Variants in DNAH17 observed in about 807,000 individuals in gnomAD.
DNAH17 encodes the protein dynein axonemal heavy chain 17, also known as axonemal beta dynein heavy chain 17.
In DNAH17, 376 loss-of-function variants were observed where a neutral mutation model predicts 485.6. The observed-to-expected ratio is 0.77, with a 90% CI of 0.71 to 0.84. The LOEUF is 0.84. Among genes scored for constraint, DNAH17 ranks in the 40% least tolerant of loss-of-function variants. The pLI, the probability that DNAH17 is intolerant of heterozygous loss-of-function variation, is 0.00. For synonymous variants in DNAH17, 3,031 were observed against 2,405.9 expected (o/e 1.26, Z -7.60); for missense variants, 6,370 against 5,839.3 (o/e 1.09, Z -2.96).
At chr17:78,497,063 C>T (rs1005714752) in intron 37 of DNAH17, 1 of 152,264 alleles carries the variant, frequency 6.6e-6, no homozygotes, top group Non-Finnish European at 1.5e-5. Context: ...CTTGTCCCTG[C>T]TGAGTTGGGT....
At chr17:78,569,732 T>C (rs2092322800) in intron 7 of DNAH17, among the ~76,000 whole-genome samples, 1 of 152,138 alleles carries the variant, frequency 6.6e-6, no homozygotes. Context: ...GGCTGCAGCA[T>C]AAATGGGTGG....
rs113706196 is a variant in DNAH17, at chr17:78,562,829, A to G, written c.1570-849T>C. On this transcript the variant is annotated intron_variant, in intron 11 of 80. Transcript: ENST00000389840. ...TCAGGAAATGTGTTTCGCTCTGAGA[A>G]AGCTCTGGGGGTCAGACCAAGTGGG... 1.6e-4 allele frequency among the ~76,000 whole-genome samples: 24 copies of G among 152,346 alleles called. 1 individual carries two copies. Among genetic ancestry groups the G allele is most frequent in the African/African-American group, 5.5e-4 (23 of 41,586 alleles).
intron 13 of DNAH17, among the ~76,000 whole-genome samples, chr17:78,558,662 A>T (rs1446402275): frequency 6.6e-6 from 1 of 152,232 alleles, no homozygotes; most frequent in African/African-American, 2.4e-5. Flanking sequence ...GGCTGACATC[A>T]TCCTAATTTT....
At chr17:78,491,909 C>T (rs1162784809) in intron 42 of DNAH17, among the ~76,000 whole-genome samples, 1 of 152,232 alleles carries the variant, frequency 6.6e-6, no homozygotes, top group African/African-American at 2.4e-5. Flanking sequence ...CATCTGTCCA[C>T]TCACACGCTC....
intron 66 of DNAH17, among the ~76,000 whole-genome samples, chr17:78,451,169 G>T (rs1055641498): frequency 6.6e-6 from 1 of 152,246 alleles, no homozygotes; most frequent in Non-Finnish European, 1.5e-5. Flanking sequence ...GGCCATTCTT[G>T]CAGGGCAGCG....
chr17:78,433,981 G>GAGGGAAGGAGGGAGGGAAGGAGGA, intron 75 of DNAH17, 48 bp downstream of exon 75: 1 of 1,479,086 alleles, frequency 6.8e-7, no homozygotes, highest in Non-Finnish European at 9.2e-7. Flanking sequence ...GGGAAGGAGG[G>GAGGGAAGGAGGGAGGGAAGGAGGA]AAAGAGGGAG....
chr17:78,529,728 G>A, intron 21 of DNAH17, 34 bp from the exon 22 acceptor site: 1 of 1,601,512 alleles, frequency 6.2e-7, no homozygotes, highest in East Asian at 2.2e-5. Context: ...TGTGGCCCCA[G>A]CCCCCCTTAG....
chr17:78,560,774 GCGGCGTCCCGCAGA>G lies in DNAH17; in HGVS notation c.1983_1996del (p.Leu662Ter). 6.4e-7 allele frequency: 1 copy of G among 1,552,246 alleles called. No individual in the cohort carries two copies. Among genetic ancestry groups the G allele is most frequent in the Non-Finnish European group, 8.7e-7 (1 of 1,147,332 alleles). On this transcript the variant is annotated frameshift_variant, in exon 13 of 81. Transcript: ENST00000389840. LOFTEE classifies it high-confidence loss of function. Reference sequence around the variant, plus strand: ...GAAGTTGACGTGGATGAGGTTGCTAGCGGCGTCCCGCAGAATCAGCGGCTGCCCCAGGTTAAAGT... The same window carrying G: ...GAAGTTGACGTGGATGAGGTTGCTAGATCAGCGGCTGCCCCAGGTTAAAGT...
Position 78,540,379 on chromosome 17 carries a change from C to T in DNAH17, c.2533-499G>A, listed in dbSNP as rs879372738. ...TGGATGGACAGATGAATGGGGTGGA[C>T]GGATAGCTGGATGGATGGATGGGGT... is the stretch of plus-strand genomic sequence containing the variant. On this transcript the variant is annotated intron_variant, in intron 17 of 80. Coordinates refer to ENST00000389840, the MANE Select transcript of DNAH17 (RefSeq NM_173628.4). Among the ~76,000 whole-genome samples, 41 of 120,520 alleles carry T rather than the reference C, an allele frequency of 3.4e-4. 1 individual carries two copies. The highest frequency in any genetic ancestry group is 2.7e-4 in the East Asian group (1 of 3,714). 79.1% of individuals were successfully genotyped at this position (120,520 alleles called of 152,430 possible).
At chr17:78,456,810 G>A (rs1203534382) in intron 62 of DNAH17, among the ~76,000 whole-genome samples, 1 of 152,094 alleles carries the variant, frequency 6.6e-6, no homozygotes, top group East Asian at 1.9e-4. Context: ...TCATACCCGG[G>A]GCACCACCCT....
At chr17:78,424,466 C>T in intron 80 of DNAH17, 1 of 335,950 alleles carries the variant, frequency 3.0e-6, no homozygotes, top group Non-Finnish European at 5.5e-6. Flanking sequence ...ATAACTCCAG[C>T]TAAAAATTAC....
At chr17:78,438,769 G>A (rs759884071) in intron 73 of DNAH17, among the ~76,000 whole-genome samples, 8 of 152,034 alleles carry the variant, frequency 5.3e-5, no homozygotes, top group Non-Finnish European at 1.0e-4. Flanking sequence ...AAAGTGCTGG[G>A]CCTACAGGTG....
chr17:78,428,736 G>A lies in DNAH17; in HGVS notation c.12406-29C>T, dbSNP rs755322447. 3.1e-6 allele frequency: 5 copies of A among 1,611,800 alleles called. No homozygotes were observed. In the South Asian group the frequency reaches 5.5e-5, roughly 18 times the overall value. The stretch of plus-strand genomic sequence containing the variant: ...AAAAAGAGGGCAGTTTGTAAGCAGA[G>A]GCAAAGCTGTGCAGGCTGAAACCCA... On this transcript the variant is annotated intron_variant, in intron 76 of 80. Transcript: ENST00000389840.
At chr17:78,460,954 G>A (rs2088089572) in intron 58 of DNAH17, among the ~76,000 whole-genome samples, 1 of 152,046 alleles carries the variant, frequency 6.6e-6, no homozygotes, top group Non-Finnish European at 1.5e-5. Flanking sequence ...TAGGACTGAT[G>A]ACAAAAAAAG....
intron 75 of DNAH17, among the ~76,000 whole-genome samples, chr17:78,433,181 C>T (rs691331): frequency 0.16 from 24,898 of 152,192 alleles, 2,171 homozygotes; most frequent in Middle Eastern, 0.21. Flanking sequence ...GCGAGGGGCT[C>T]CTGGGCCTGT....
chr17:78,449,228 G>A (rs1188271186), intron 69 of DNAH17, among the ~76,000 whole-genome samples, 186 bp downstream of exon 69: 1 of 152,092 alleles, frequency 6.6e-6, no homozygotes, highest in Non-Finnish European at 1.5e-5. Flanking sequence ...AACTAGGAGA[G>A]CCCCAGGCCT....
chr17:78,472,575 G>C (rs1046972519), intron 54 of DNAH17: 21 of 338,452 alleles, frequency 6.2e-5, no homozygotes, highest in African/African-American at 4.6e-4. Flanking sequence ...CTCAGGCTGG[G>C]GTGAAGGTTT....
intron 60 of DNAH17, 147 bp from the exon 61 acceptor site, chr17:78,459,355 C>G (rs1598484913): frequency 6.5e-6 from 5 of 766,832 alleles, no homozygotes; most frequent in Admixed American, 2.1e-5. Flanking sequence ...CTAGAGGCCA[C>G]CCCCCACCGG....
rs147215257 is a variant in DNAH17 at position 78,428,923 on chromosome 17, TTAAAAAA to T, written c.12405+191_12405+197del. Among the ~76,000 whole-genome samples the T allele has an allele frequency of 0.037, 2,960 of 79,220 alleles. 111 individuals carry two copies. The highest frequency in any genetic ancestry group is 0.12 in the African/African-American group (2,819 of 23,082). 52.0% of individuals were successfully genotyped at this position (79,220 alleles called of 152,430 possible). The stretch of plus-strand genomic sequence containing the variant: ...CTTCCCTGAGGCTGCATTTCTTTCT[TTAAAAAA>T]AAAAAAAAAAAAAAAAGGTTGTTTG... On this transcript the variant is annotated intron_variant, in intron 76 of 80. Transcript: ENST00000389840.
Sources: gnomAD v4.1 joint callset for allele counts (sites outside exome capture counted in the v4.1 genomes callset) on GRCh38, gnomAD v4.1.1 for gene constraint, MANE v1.5 for transcripts, NCBI Gene and HGNC (gene_info 2026-07-23, HGNC 2026-07-21) for gene names.